The following ITGA1 variants were observed in gnomAD, a reference collection of about 807,000 sequenced individuals.
The protein encoded by ITGA1 is integrin subunit alpha 1.
Under a neutral mutation model 145.9 loss-of-function variants are expected in ITGA1, and 85 were observed. That is an observed-to-expected ratio of 0.58 (90% CI 0.49 to 0.70). ITGA1 has a LOEUF of 0.70. Among genes scored for constraint, ITGA1 ranks in the 30% least tolerant of loss-of-function variants. The pLI is 0.00. For missense variants in ITGA1, 1,351 were observed against 1,418.7 expected, an observed-to-expected ratio of 0.95 and a Z score of 0.77; for synonymous variants, 520 against 495.3, an observed-to-expected ratio of 1.05 and a Z score of -0.66.
intron 14 of ITGA1, among the ~76,000 whole-genome samples, chr5:52,912,071 CTA>C (rs541203662): frequency 7.4e-6 from 1 of 135,028 alleles, no homozygotes; most frequent in Non-Finnish European, 1.5e-5. Context: ...TATACACACA[CTA>C]TATATAGTAT....
At chr5:52,793,114 T>C (rs1701819611) in intron 1 of ITGA1, among the ~76,000 whole-genome samples, 3 of 152,092 alleles carry the variant, frequency 2.0e-5, no homozygotes, top group African/African-American at 7.2e-5. Context: ...GACCCTACCT[T>C]AGGACATGTG....
intron 14 of ITGA1, among the ~76,000 whole-genome samples, chr5:52,910,955 TATAC>T (rs1419939010): frequency 7.4e-6 from 1 of 134,740 alleles, no homozygotes; most frequent in African/African-American, 2.8e-5. Flanking sequence ...GTATATAGTA[TATAC>T]ACTATATATA....
intron 14 of ITGA1, among the ~76,000 whole-genome samples, chr5:52,911,574 C>G (rs1219282287): frequency 1.1e-3 from 38 of 33,886 alleles, no homozygotes; most frequent in Non-Finnish European, 2.4e-3. Context: ...ACTATATATA[C>G]TATATATATA....
chr5:52,882,380 A>T (rs1003736715), intron 7 of ITGA1, among the ~76,000 whole-genome samples: 5 of 152,138 alleles, frequency 3.3e-5, no homozygotes, highest in African/African-American at 9.7e-5. Flanking sequence ...CGGATTAAAA[A>T]TAGGTCTACC....
At chr5:52,882,131 TTTTG>T in intron 7 of ITGA1, 110 bp downstream of exon 7, 1 of 938,348 alleles carries the variant, frequency 1.1e-6, no homozygotes, top group Non-Finnish European at 1.5e-6. Context: ...TTTAAAGCCA[TTTTG>T]TTTAAAATGA....
chr5:52,895,963 T>C (rs1292622941), intron 9 of ITGA1, among the ~76,000 whole-genome samples: 2 of 152,180 alleles, frequency 1.3e-5, no homozygotes, highest in Admixed American at 1.3e-4. Context: ...GTAGCTGTGA[T>C]TATGAAATTT....
chr5:52,922,245 G>A (rs1750741120), intron 17 of ITGA1, among the ~76,000 whole-genome samples: 5 of 152,162 alleles, frequency 3.3e-5, no homozygotes. Flanking sequence ...AGGTTGCAGT[G>A]AGCCGAGATC....
intron 1 of ITGA1, chr5:52,800,324 C>A: frequency 1.3e-6 from 2 of 1,564,236 alleles, no homozygotes; most frequent in South Asian, 1.1e-5. Context: ...GCATTCCCAT[C>A]CCCTCTCCCG....
chr5:52,822,290 A>G (rs1298920245), intron 1 of ITGA1, among the ~76,000 whole-genome samples: 3 of 152,204 alleles, frequency 2.0e-5, no homozygotes, highest in Admixed American at 1.3e-4. Context: ...ATTGGTGACA[A>G]CATTCTGGCT....
chr5:52,956,125 T>G lies in ITGA1; in HGVS notation c.*3674T>G, dbSNP rs7034. ...CTGGGGTATAGTAGAGGCTGGGGAATCCCTGCCCATGTTCTCTCCAAGGCC... is the reference window on the plus strand; with the variant it reads ...CTGGGGTATAGTAGAGGCTGGGGAAGCCCTGCCCATGTTCTCTCCAAGGCC... On this transcript the variant is annotated 3_prime_UTR_variant, in exon 29 of 29. Coordinates refer to ENST00000282588, the MANE Select transcript of ITGA1 (RefSeq NM_181501.2). 109,731 of 151,946 alleles carry G rather than the reference T, an allele frequency of 0.72. 39,793 individuals are homozygous for G. The highest frequency in any genetic ancestry group is 0.81 in the Middle Eastern group (238 of 294). 9.4% of individuals were successfully genotyped at this position (151,946 alleles called of 1,614,324 possible). A position where few individuals can be genotyped will look rare whatever the true frequency, so the allele number is the denominator to read the frequency against.
chr5:52,819,023 G>T (rs1748822931), intron 1 of ITGA1, among the ~76,000 whole-genome samples: 1 of 152,100 alleles, frequency 6.6e-6, no homozygotes. Context: ...ACATCTCTAT[G>T]GTTACAGTCA....
chr5:52,806,491 C>G (rs1222845221), intron 1 of ITGA1, among the ~76,000 whole-genome samples: 1 of 151,866 alleles, frequency 6.6e-6, no homozygotes, highest in East Asian at 1.9e-4. Context: ...GTTAAAAATA[C>G]CATTCAAAAA....
intron 1 of ITGA1, among the ~76,000 whole-genome samples, chr5:52,836,870 T>C (rs1749170086): frequency 6.6e-6 from 1 of 152,106 alleles, no homozygotes. Context: ...AGAAGTATCC[T>C]GTTACTACGT....
At chr5:52,798,382 C>T (rs935550223) in intron 1 of ITGA1, among the ~76,000 whole-genome samples, 3 of 138,060 alleles carry the variant, frequency 2.2e-5, no homozygotes, top group Admixed American at 7.5e-5. Context: ...GGGACCTTTC[C>T]GTCCCCTGAT....
intron 1 of ITGA1, among the ~76,000 whole-genome samples, chr5:52,831,717 TTTTTTTTACC>T (rs1190562228): frequency 1.3e-5 from 2 of 151,476 alleles, no homozygotes; most frequent in African/African-American, 4.9e-5. Context: ...AGACAATATA[TTTTTTTTACC>T]TTTTAATCCC....
At chr5:52,800,027 G>GC (rs970553255) in intron 1 of ITGA1, 21 of 288,390 alleles carry the variant, frequency 7.3e-5, no homozygotes, top group African/African-American at 4.2e-4. Context: ...GCGAACTGCG[G>GC]CCCCGCCTCT....
chr5:52,840,142 A>G (rs957697312), intron 1 of ITGA1, among the ~76,000 whole-genome samples: 1 of 152,256 alleles, frequency 6.6e-6, no homozygotes, highest in Non-Finnish European at 1.5e-5. Context: ...TATAACTGGC[A>G]ATATCTTACT....
rs1441535759 is a variant in ITGA1, at chr5:52,850,848, T to C, written c.182+1363T>C. 9.8e-4 allele frequency among the ~76,000 whole-genome samples: 149 copies of C among 152,148 alleles called. 2 individuals carry two copies. Among genetic ancestry groups the C allele is most frequent in the Non-Finnish European group, 1.6e-4 (11 of 68,018 alleles). On this transcript the variant is annotated intron_variant, in intron 2 of 28. Transcript: ENST00000282588. ...CCATTCCCCAATTTTTAAGGTTAAA[T>C]GAGTACAGCCCTCCCTCTAGACACC...
At chr5:52,948,530 G>A (rs1009580685) in intron 28 of ITGA1, among the ~76,000 whole-genome samples, 5 of 152,184 alleles carry the variant, frequency 3.3e-5, no homozygotes, top group African/African-American at 7.2e-5. Context: ...GCCAGATGTA[G>A]GTCAGTGGCA....
Sources: gnomAD v4.1 joint callset for allele counts (sites outside exome capture counted in the v4.1 genomes callset) on GRCh38, gnomAD v4.1.1 for gene constraint, MANE v1.5 for transcripts, NCBI Gene and HGNC (gene_info 2026-07-23, HGNC 2026-07-21) for gene names.